The following KALRN variants were observed in gnomAD, a reference collection of about 807,000 sequenced individuals.
The protein encoded by KALRN is kalirin RhoGEF kinase.
A neutral mutation model predicts 353.7 loss-of-function variants in KALRN; 70 were observed. The observed-to-expected ratio is 0.20, with a 90% CI of 0.16 to 0.24. The LOEUF (loss-of-function observed/expected upper bound fraction) is 0.24. Ranked by LOEUF, KALRN falls within the 10% of genes least tolerant of loss-of-function variation. KALRN has a pLI of 1.00. For synonymous variants in KALRN, 1,391 were observed against 1,434.8 expected (o/e 0.97, Z 0.69); for missense variants, 2,791 against 3,756.7 (o/e 0.74, Z 6.72).
chr3:124,705,679 C>A, intron 57 of KALRN, among the ~76,000 whole-genome samples: 1 of 152,160 alleles, frequency 6.6e-6, no homozygotes, highest in South Asian at 2.1e-4. Flanking sequence ...GGTCCTGCTA[C>A]AATTTAGATT....
At chr3:124,600,467 A>G (rs1463327755) in intron 34 of KALRN, among the ~76,000 whole-genome samples, 1 of 152,222 alleles carries the variant, frequency 6.6e-6, no homozygotes, top group African/African-American at 2.4e-5. Context: ...CAAAGACAGG[A>G]CAGGGCAGTG....
chr3:124,611,678 G>A (rs543047261), intron 34 of KALRN, among the ~76,000 whole-genome samples: 17 of 152,300 alleles, frequency 1.1e-4, no homozygotes, highest in Middle Eastern at 3.4e-3. Flanking sequence ...ACACTCCAGT[G>A]GCTTCCCATT....
At chr3:124,227,688 T>G (rs955856714) in intron 1 of KALRN, among the ~76,000 whole-genome samples, 39 of 92,978 alleles carry the variant, frequency 4.2e-4, no homozygotes, top group Middle Eastern at 5.2e-3. Context: ...TTTTTTTTTT[T>G]TTTTTTTTTT....
At chr3:124,696,832 C>T (rs1316548460) in intron 54 of KALRN, among the ~76,000 whole-genome samples, 1 of 152,234 alleles carries the variant, frequency 6.6e-6, no homozygotes, top group Non-Finnish European at 1.5e-5. Flanking sequence ...TGCATCTGTA[C>T]CTGTTGAACA....
chr3:124,374,541 GC>G (rs1302053749), intron 10 of KALRN: 1 of 152,210 alleles, frequency 6.6e-6, no homozygotes, highest in Admixed American at 6.5e-5. Flanking sequence ...CAGAAGTGTG[GC>G]CAAACCCTCT....
rs148194216 is a variant in KALRN, at chr3:124,719,428, T to C, written c.8919T>C (p.Asn2973=). The change falls in exon 60 of 60, where the codon AAT becomes AAC. Residue 2973 remains asparagine, a synonymous_variant. Coordinates refer to ENST00000682506, the MANE Select transcript of KALRN (RefSeq NM_001388419.1). The surrounding 1 kb of genome is among the most constrained non-coding windows in gnomAD (Gnocchi z 5.3). ...AGAATGATGTGCGGCCTATTCCCAA[T>C]GTCAAGAGCTACATTGTCAACCGGG... ...KHQNDVRPIP[N]VKSYIVNRVN... is the part of the protein sequence containing the mutation. 2 of 1,613,970 alleles carry C rather than the reference T, an allele frequency of 1.2e-6. No individual in the cohort carries two copies. Among genetic ancestry groups the C allele is most frequent in the African/African-American group, 2.7e-5 (2 of 74,944 alleles).
intron 37 of KALRN, among the ~76,000 whole-genome samples, chr3:124,648,243 A>G (rs527360646): frequency 8.5e-5 from 13 of 152,386 alleles, no homozygotes; most frequent in African/African-American, 2.6e-4. Context: ...ACTATCTAGC[A>G]TATAGCTTTA....
In KALRN at chr3:124,471,980, A is replaced by AC. The variant is rs1412441841; in HGVS notation, c.4032-2683_4032-2682insC. On this transcript the variant is annotated intron_variant, in intron 25 of 59. Coordinates refer to ENST00000682506, the MANE Select transcript of KALRN (RefSeq NM_001388419.1). ...AGACTCCGTCTCAAAAAAAAAAAAAAAAAACAACCTTCATTTTACAGAAAG... is the reference window on the plus strand; with the variant it reads ...AGACTCCGTCTCAAAAAAAAAAAAAACAAAACAACCTTCATTTTACAGAAAG... 1.5e-4 allele frequency among the ~76,000 whole-genome samples: 22 copies of AC among 151,440 alleles called. 1 individual carries two copies. The highest frequency in any genetic ancestry group is 5.1e-4 in the African/African-American group (21 of 41,188).
chr3:124,123,131 C>T (rs576170468), intron 1 of KALRN, among the ~76,000 whole-genome samples: 201 of 148,324 alleles, frequency 1.4e-3, no homozygotes, highest in African/African-American at 4.7e-3. Context: ...ACATGGGAGG[C>T]GGAGGTTGCA....
At chr3:124,069,126 T>TA (rs199767176) in intron 1 of KALRN, among the ~76,000 whole-genome samples, 4,074 of 152,342 alleles carry the variant, frequency 0.027, 72 homozygotes, top group Middle Eastern at 0.068. Context: ...CATTAATCTT[T>TA]AAAATGACCT....
At chr3:124,133,162 A>T (rs2065501546) in intron 1 of KALRN, 1 of 152,248 alleles carries the variant, frequency 6.6e-6, no homozygotes, top group Admixed American at 6.5e-5. Context: ...AAAATTAAAA[A>T]AAATATATCC....
rs555829397 is a variant in KALRN, at chr3:124,046,093, G to T, written c.73+12280G>T. Reference sequence around the variant, plus strand: ...ATCTTAATGAGCTGTAAACTTATATGTGCAGTTTTATGCATGTATATTATT... The same window carrying T: ...ATCTTAATGAGCTGTAAACTTATATTTGCAGTTTTATGCATGTATATTATT... On this transcript the variant is annotated intron_variant, in intron 1 of 59. Transcript: ENST00000682506. Among the ~76,000 whole-genome samples, 6 of 152,300 alleles carry T rather than the reference G, an allele frequency of 3.9e-5. 1 individual carries two copies. The South Asian group carries it at 1.2e-3, about 32-fold the overall frequency.
chr3:124,172,671 A>G (rs1016203400), intron 1 of KALRN, among the ~76,000 whole-genome samples: 3 of 151,892 alleles, frequency 2.0e-5, no homozygotes, highest in Non-Finnish European at 4.4e-5. Flanking sequence ...TGGAACATAG[A>G]GAGTTCCTGG....
At chr3:124,327,009 A>G (rs1192040638) in intron 7 of KALRN, among the ~76,000 whole-genome samples, 1 of 152,152 alleles carries the variant, frequency 6.6e-6, no homozygotes, top group Non-Finnish European at 1.5e-5. Context: ...TGTGCTATGT[A>G]TGGATCACCT....
chr3:124,551,710 C>T (rs1235510136), intron 33 of KALRN, among the ~76,000 whole-genome samples: 1 of 152,210 alleles, frequency 6.6e-6, no homozygotes, highest in Admixed American at 6.5e-5. Context: ...TGAGGGACCC[C>T]ATTCCCCAAC....
At chr3:124,462,791 C>A in intron 25 of KALRN, 158 bp downstream of exon 25, 1 of 569,874 alleles carries the variant, frequency 1.8e-6, no homozygotes, top group Non-Finnish European at 3.1e-6. Context: ...CCCCTTTCTC[C>A]ATAATTGTCC....
chr3:124,345,290 T>C lies in KALRN; in HGVS notation c.1648-1853T>C, dbSNP rs529427838. On this transcript the variant is annotated intron_variant, in intron 9 of 59. Transcript: ENST00000682506. ...TTTACTATACTTCGCACCTAATATA[T>C]GGGAAACTTTGTGACTACAAGTATT... Among the ~76,000 whole-genome samples, 3 of 152,344 alleles carry C rather than the reference T, an allele frequency of 2.0e-5. No homozygotes were observed. In the South Asian group the frequency reaches 6.2e-4, roughly 32 times the overall value.
At chr3:124,594,559 A>G (rs2076098666) in intron 34 of KALRN, among the ~76,000 whole-genome samples, 2 of 152,240 alleles carry the variant, frequency 1.3e-5, no homozygotes, top group South Asian at 4.1e-4. Context: ...AAAGTGTTTC[A>G]TTGCAGACAA....
At chr3:124,638,248 C>G (rs2081589491) in intron 37 of KALRN, among the ~76,000 whole-genome samples, 1 of 151,972 alleles carries the variant, frequency 6.6e-6, no homozygotes, top group Admixed American at 6.6e-5. Flanking sequence ...ATAGTAACTC[C>G]CTTTTCAGAT....
Sources: allele counts gnomAD v4.1 joint callset (sites outside exome capture counted in the v4.1 genomes callset), GRCh38; gene constraint gnomAD v4.1.1; non-coding constraint Gnocchi (gnomAD v3.1); transcripts MANE v1.5; gene names NCBI Gene and HGNC (gene_info 2026-07-23, HGNC 2026-07-21).